The following CELF2 variants were observed in gnomAD, a reference collection of about 807,000 sequenced individuals.
The protein encoded by CELF2 is CUGBP Elav-like family member 2.
In CELF2, 8 loss-of-function variants were observed where a neutral mutation model predicts 62.6. The observed-to-expected ratio is 0.13, with a 90% confidence interval of 0.07 to 0.23. The LOEUF (loss-of-function observed/expected upper bound fraction) is 0.23, where lower values mean the gene tolerates loss of function less well. Ranked by LOEUF, CELF2 falls within the 10% of genes least tolerant of loss-of-function variation. The pLI is 1.00. For missense variants in CELF2, 333 were observed against 671.0 expected (o/e 0.50, Z 5.56); for synonymous variants, 258 against 250.0 (o/e 1.03, Z -0.30).
At chr10:10,653,572 A>G in the CELF2 span, among the ~76,000 whole-genome samples, 5 of 130,442 alleles carry the variant, frequency 3.8e-5, no homozygotes, top group South Asian at 1.0e-3. Context: ...CTCACTCAAA[A>G]CCGCTCAACT....
chr10:10,593,398 C>T, the CELF2 span, among the ~76,000 whole-genome samples: 1 of 152,176 alleles, frequency 6.6e-6, no homozygotes, highest in East Asian at 1.9e-4. Context: ...AGAAAGTTCA[C>T]CTTGGATTCT....
chr10:10,642,146 G>A, the CELF2 span, among the ~76,000 whole-genome samples: 4 of 152,200 alleles, frequency 2.6e-5, no homozygotes, highest in Non-Finnish European at 4.4e-5. Flanking sequence ...AGAGCAGAGA[G>A]GTCCAAGTCC....
intron 1 of CELF2, among the ~76,000 whole-genome samples, chr10:11,022,796 C>T (rs1398018774): frequency 1.3e-5 from 2 of 152,012 alleles, no homozygotes; most frequent in Admixed American, 6.6e-5. Context: ...ATCAGGGTAG[C>T]GATCATTGTT....
intron 1 of CELF2, among the ~76,000 whole-genome samples, chr10:11,044,399 C>T (rs1347382086): frequency 1.3e-5 from 2 of 152,172 alleles, no homozygotes; most frequent in Non-Finnish European, 2.9e-5. Flanking sequence ...CTTTTGGCAT[C>T]ACTCAGTCTT....
intron 1 of CELF2, among the ~76,000 whole-genome samples, chr10:11,072,543 G>A (rs377337655): frequency 2.6e-5 from 4 of 152,308 alleles, no homozygotes; most frequent in South Asian, 2.1e-4. Flanking sequence ...TTCTTTGACA[G>A]CCTCTTTGAG....
At chr10:10,617,828 G>T in the CELF2 span, among the ~76,000 whole-genome samples, 1 of 152,102 alleles carries the variant, frequency 6.6e-6, no homozygotes, top group Non-Finnish European at 1.5e-5. Flanking sequence ...TGGAGGGATT[G>T]CCAGAAAGGA....
At chr10:11,103,745 T>A (rs974161814) in intron 1 of CELF2, among the ~76,000 whole-genome samples, 2 of 152,106 alleles carry the variant, frequency 1.3e-5, no homozygotes, top group African/African-American at 2.4e-5. Flanking sequence ...TGATTACTGG[T>A]TCGTAGTAGA....
chr10:11,082,134 C>T (rs1390663229), intron 1 of CELF2, among the ~76,000 whole-genome samples: 2 of 152,062 alleles, frequency 1.3e-5, no homozygotes, highest in Admixed American at 6.6e-5. Context: ...AAGGTGACAC[C>T]CCCTGTCCAC....
intron 2 of CELF2, among the ~76,000 whole-genome samples, chr10:10,963,765 C>G (rs1465375223): frequency 6.6e-6 from 1 of 152,134 alleles, no homozygotes; most frequent in African/African-American, 2.4e-5. Context: ...TAAAGCCACC[C>G]ATGTAAGGTG....
chr10:10,483,999 C>CCT, the CELF2 span, among the ~76,000 whole-genome samples: 3 of 75,696 alleles, frequency 4.0e-5, no homozygotes, highest in African/African-American at 9.1e-5. Context: ...CTCCCTCCCC[C>CCT]GCTTTCTCCC....
intron 9 of CELF2, among the ~76,000 whole-genome samples, chr10:11,308,068 T>C (rs994564907): frequency 6.6e-6 from 1 of 152,242 alleles, no homozygotes; most frequent in Non-Finnish European, 1.5e-5. Context: ...TAATAGGTTT[T>C]TTCTTTTTAG....
intron 2 of CELF2, among the ~76,000 whole-genome samples, chr10:11,200,239 T>C (rs1414379671): frequency 6.6e-6 from 1 of 152,186 alleles, no homozygotes; most frequent in Non-Finnish European, 1.5e-5. Flanking sequence ...TTGTTAGGGG[T>C]TGCATTCATA....
the CELF2 span, among the ~76,000 whole-genome samples, chr10:10,727,999 A>C: frequency 2.0e-5 from 3 of 152,104 alleles, no homozygotes; most frequent in East Asian, 5.8e-4. Context: ...GGCTGCATAC[A>C]CTAGCCACAG....
At chr10:10,566,402 ATTT>A in the CELF2 span, among the ~76,000 whole-genome samples, 116 of 142,524 alleles carry the variant, frequency 8.1e-4, no homozygotes, top group East Asian at 3.3e-3. Context: ...GCACTTAGGG[ATTT>A]TTTTTTTTTT....
the CELF2 span, among the ~76,000 whole-genome samples, chr10:10,682,516 A>G: frequency 6.6e-6 from 1 of 152,246 alleles, no homozygotes; most frequent in Non-Finnish European, 1.5e-5. Context: ...CTTCTTGCGC[A>G]GACTGAAGGT....
chr10:10,640,737 A>G, the CELF2 span, among the ~76,000 whole-genome samples: 4 of 152,218 alleles, frequency 2.6e-5, no homozygotes, highest in African/African-American at 4.8e-5. Context: ...TAGCATTCTC[A>G]TACTATTTTC....
intron 3 of CELF2, among the ~76,000 whole-genome samples, chr10:11,226,661 G>A (rs899141635): frequency 2.6e-5 from 4 of 151,204 alleles, no homozygotes; most frequent in Admixed American, 6.6e-5. Flanking sequence ...CCCTGCCACA[G>A]CAGGGGCATC....
chr10:10,582,679 G>C, the CELF2 span, among the ~76,000 whole-genome samples: 1 of 152,084 alleles, frequency 6.6e-6, no homozygotes, highest in African/African-American at 2.4e-5. Context: ...TATTCTCTGA[G>C]CTATACTAGC....
At chr10:10,791,990 A>AGGGAAGG in the CELF2 span, among the ~76,000 whole-genome samples, 1 of 149,968 alleles carries the variant, frequency 6.7e-6, no homozygotes, top group Non-Finnish European at 1.5e-5. Flanking sequence ...GAGAAGGAAA[A>AGGGAAGG]GAGAAGGAAG....
Sources: allele counts gnomAD v4.1 joint callset (sites outside exome capture counted in the v4.1 genomes callset), GRCh38; gene constraint gnomAD v4.1.1; transcripts MANE v1.5; gene names NCBI Gene and HGNC (gene_info 2026-07-23, HGNC 2026-07-21).